NECTIN3: variants seen among roughly 807,000 people sequenced by gnomAD.
NECTIN3 encodes nectin cell adhesion molecule 3.
Under a neutral mutation model 49.4 loss-of-function variants are expected in NECTIN3, and 8 were observed. That is an observed-to-expected ratio of 0.16 (90% CI 0.10 to 0.29). The LOEUF is 0.29. Among genes scored for constraint, NECTIN3 ranks in the 10% least tolerant of loss-of-function variants. The pLI, the probability that NECTIN3 is intolerant of heterozygous loss-of-function variation, is 1.00. For missense variants in NECTIN3, 581 were observed against 654.6 expected, an observed-to-expected ratio of 0.89 and a Z score of 1.23; for synonymous variants, 277 against 241.1, an observed-to-expected ratio of 1.15 and a Z score of -1.38.
At chr3:111,118,478 G>C (rs1005449204) in intron 2 of NECTIN3, among the ~76,000 whole-genome samples, 178 bp from the exon 3 acceptor site, 9 of 151,340 alleles carry the variant, frequency 5.9e-5, no homozygotes, top group African/African-American at 2.2e-4. Context: ...ATTTGTCCTA[G>C]TTTATGATCT....
chr3:111,174,108 G>C (rs1056169425), intron 7 of NECTIN3, among the ~76,000 whole-genome samples: 2 of 152,146 alleles, frequency 1.3e-5, no homozygotes, highest in African/African-American at 4.8e-5. Flanking sequence ...AGTACTCCCA[G>C]TATGTTCAAG....
intron 1 of NECTIN3, among the ~76,000 whole-genome samples, chr3:111,106,532 T>C (rs972828180): frequency 6.6e-5 from 10 of 152,188 alleles, no homozygotes; most frequent in Non-Finnish European, 1.3e-4. Flanking sequence ...TGTTTGGAGA[T>C]TTTATTGAAA....
intron 7 of NECTIN3, among the ~76,000 whole-genome samples, chr3:111,154,054 A>G (rs1416933973): frequency 6.6e-6 from 1 of 152,172 alleles, no homozygotes; most frequent in Admixed American, 6.5e-5. Flanking sequence ...TATGTTTTAC[A>G]TGTACTGCGC....
intron 1 of NECTIN3, among the ~76,000 whole-genome samples, chr3:111,103,022 G>A (rs573318567): frequency 6.6e-6 from 1 of 152,166 alleles, no homozygotes; most frequent in East Asian, 1.9e-4. Context: ...CTATTCTTTA[G>A]CCAATACCAC....
At chr3:111,096,480 T>C (rs1315950294) in intron 1 of NECTIN3, among the ~76,000 whole-genome samples, 3 of 152,168 alleles carry the variant, frequency 2.0e-5, no homozygotes, top group African/African-American at 7.2e-5. Flanking sequence ...GCATAAGTAA[T>C]GAGGAGCCAA....
intron 7 of NECTIN3, among the ~76,000 whole-genome samples, chr3:111,161,914 C>A (rs1322269260): frequency 6.6e-6 from 1 of 152,124 alleles, no homozygotes; most frequent in African/African-American, 2.4e-5. Flanking sequence ...GTGTAGTCCA[C>A]CTTTGGGCCT....
At chr3:111,119,739 A>G (rs1033059271) in intron 3 of NECTIN3, among the ~76,000 whole-genome samples, 5 of 152,224 alleles carry the variant, frequency 3.3e-5, no homozygotes, top group African/African-American at 9.6e-5. Context: ...GGTAGTAAAA[A>G]AGGTGATGGC....
chr3:111,165,722 C>A (rs2035306517), intron 7 of NECTIN3, among the ~76,000 whole-genome samples: 1 of 152,144 alleles, frequency 6.6e-6, no homozygotes, highest in Non-Finnish European at 1.5e-5. Context: ...GCATGAGCAT[C>A]ACTATTCCAT....
chr3:111,123,004 T>G (rs1393264294), intron 4 of NECTIN3, among the ~76,000 whole-genome samples: 1 of 151,954 alleles, frequency 6.6e-6, no homozygotes, highest in Non-Finnish European at 1.5e-5. Flanking sequence ...ATGGTCTTAT[T>G]CTTCCTAGAA....
At chr3:111,158,210 A>AATGAATATT (rs2035137269) in intron 7 of NECTIN3, among the ~76,000 whole-genome samples, 1 of 152,080 alleles carries the variant, frequency 6.6e-6, no homozygotes, top group Non-Finnish European at 1.5e-5. Flanking sequence ...CTTTAACCAC[A>AATGAATATT]ATGAATATTA....
intron 1 of NECTIN3, among the ~76,000 whole-genome samples, chr3:111,088,611 G>A (rs368591239): frequency 2.0e-5 from 3 of 151,944 alleles, no homozygotes; most frequent in Non-Finnish European, 4.4e-5. Flanking sequence ...ACATGCTTCT[G>A]CTATACAACT....
chr3:111,150,744 A>G (rs1265028565), intron 7 of NECTIN3, among the ~76,000 whole-genome samples: 1 of 151,880 alleles, frequency 6.6e-6, no homozygotes, highest in East Asian at 1.9e-4. Context: ...CAACTAAACA[A>G]CATATTACGG....
rs1030780215 is a variant in NECTIN3 at position 111,134,505 on chromosome 3, G to A, written c.*290G>A. ...GTAAGAAGAAATGTCAACATTAAAT[G>A]TATGACTTACTTGGTACAAAAATTT... On this transcript the variant is annotated 3_prime_UTR_variant, in exon 6 of 6. Coordinates refer to ENST00000485303, the MANE Select transcript of NECTIN3 (RefSeq NM_015480.3). 3 of 1,033,334 alleles carry A rather than the reference G, an allele frequency of 2.9e-6. No homozygotes were observed. The highest frequency in any genetic ancestry group is 7.2e-5 in the East Asian group (1 of 13,896). 64.0% of individuals were successfully genotyped at this position (1,033,334 alleles called of 1,614,324 possible).
chr3:111,154,175 C>T (rs749601057), intron 7 of NECTIN3, among the ~76,000 whole-genome samples: 1 of 152,032 alleles, frequency 6.6e-6, no homozygotes, highest in Non-Finnish European at 1.5e-5. Flanking sequence ...AGTCCTTTAC[C>T]AGCTTCTCTT....
chr3:111,137,333 A>C lies in NECTIN3; in HGVS notation c.*3118A>C. On this transcript the variant is annotated 3_prime_UTR_variant, in exon 6 of 6. Transcript: ENST00000485303. ...TTCCTGTTTACTTGTTAATTAGAAA[A>C]TGCATCCTTCATAAACAGCTCCTTT... is the stretch of plus-strand genomic sequence containing the variant. The C allele has an allele frequency of 1.0e-6, 1 of 972,996 alleles. No homozygotes were observed. Among genetic ancestry groups the C allele is most frequent in the Non-Finnish European group, 1.2e-6 (1 of 818,880 alleles). 60.3% of individuals were successfully genotyped at this position (972,996 alleles called of 1,614,324 possible). A position where few individuals can be genotyped will look rare whatever the true frequency, so the allele number is the denominator to read the frequency against.
intron 1 of NECTIN3, chr3:111,072,783 T>G (rs988112733): frequency 1.9e-6 from 1 of 524,054 alleles, no homozygotes; most frequent in African/African-American, 2.0e-5. Context: ...CCCTCCAGCT[T>G]GTGGGACGTC....
intron 1 of NECTIN3, chr3:111,072,703 T>G (rs926850057): frequency 3.1e-5 from 29 of 949,848 alleles, no homozygotes; most frequent in Non-Finnish European, 4.3e-5. Context: ...AGTTTTCTTC[T>G]GTCTTGTGCC....
At chr3:111,152,737 A>G (rs1158135060) in intron 7 of NECTIN3, among the ~76,000 whole-genome samples, 3 of 151,966 alleles carry the variant, frequency 2.0e-5, no homozygotes, top group African/African-American at 4.8e-5. Context: ...GAAAAGCAAA[A>G]CAATTATGAT....
chr3:111,132,858 A>C (rs1213369660), intron 5 of NECTIN3, among the ~76,000 whole-genome samples: 1 of 151,976 alleles, frequency 6.6e-6, no homozygotes, highest in Non-Finnish European at 1.5e-5. Context: ...GGTGTTAGAC[A>C]TGGTGATGAC....
Sources: gnomAD v4.1 joint callset for allele counts (sites outside exome capture counted in the v4.1 genomes callset) on GRCh38, gnomAD v4.1.1 for gene constraint, MANE v1.5 for transcripts, NCBI Gene and HGNC (gene_info 2026-07-23, HGNC 2026-07-21) for gene names.